Variants in CATSPERE observed in about 807,000 individuals in gnomAD.
CATSPERE encodes the protein catsper channel auxiliary subunit epsilon, also known as cation channel sperm-associated auxiliary subunit epsilon.
A neutral mutation model predicts 114.1 loss-of-function variants in CATSPERE; 93 were observed. The ratio of observed to expected loss-of-function variants is 0.81; its 90% CI spans 0.69 to 0.97. The LOEUF is 0.97. Ranked by LOEUF, CATSPERE falls within the 50% of genes least tolerant of loss-of-function variation. The pLI is 0.00. For synonymous variants in CATSPERE, 341 were observed against 384.1 expected (o/e 0.89, Z 1.31); for missense variants, 1,058 against 1,131.6 (o/e 0.93, Z 0.93).
chr1:244,512,586 A>T (rs1176082042), intron 7 of CATSPERE, among the ~76,000 whole-genome samples: 1 of 150,392 alleles, frequency 6.6e-6, no homozygotes, highest in Non-Finnish European at 1.5e-5. Flanking sequence ...TTTTGTTGGG[A>T]TCTGTTACAG....
At chr1:244,618,427 C>T (rs7545398) in intron 20 of CATSPERE, among the ~76,000 whole-genome samples, 91,031 of 151,706 alleles carry the variant, frequency 0.6, 27,824 homozygotes, top group Middle Eastern at 0.74. Flanking sequence ...ACTAGGAAAA[C>T]GGTGTGATGA....
chr1:244,625,406 T>TTATATATATATATATA (rs35736130), intron 20 of CATSPERE, among the ~76,000 whole-genome samples: 1 of 12,878 alleles, frequency 7.8e-5, no homozygotes, highest in African/African-American at 3.0e-4. Flanking sequence ...TTATTATTAT[T>TTATATATATATATATA]TATATATATA....
At chr1:244,461,620 C>T (rs1160072079) in intron 1 of CATSPERE, 126 bp downstream of exon 1, 3 of 679,786 alleles carry the variant, frequency 4.4e-6, no homozygotes, top group Admixed American at 4.3e-5. Context: ...ACTGCCTCGT[C>T]TCCTGGCTCC....
intron 21 of CATSPERE, 143 bp downstream of exon 21, chr1:244,635,685 T>C (rs552185830): frequency 1.6e-6 from 1 of 608,856 alleles, no homozygotes; most frequent in Non-Finnish European, 3.0e-6. Flanking sequence ...TAAATCTTAT[T>C]ATGAAAATTA....
intron 7 of CATSPERE, among the ~76,000 whole-genome samples, chr1:244,506,908 A>C (rs1369659331): frequency 6.6e-6 from 1 of 151,420 alleles, no homozygotes; most frequent in Non-Finnish European, 1.5e-5. Context: ...CTTCACCACC[A>C]CCCCCACCAG....
intron 5 of CATSPERE, 142 bp from the exon 6 acceptor site, chr1:244,490,305 A>C (rs139481393): frequency 1.4e-4 from 74 of 537,604 alleles, no homozygotes; most frequent in Middle Eastern, 7.0e-4. Flanking sequence ...TTGTTTTTAC[A>C]TTTAGCCTTT....
rs1234328450 is a variant in CATSPERE at position 244,625,428 on chromosome 1, A to ATTTTTTTTTTTTTT, written c.2648+7743_2648+7744insTTTTTTTTTTTTTT. On this transcript the variant is annotated intron_variant, in intron 20 of 21. Transcript: ENST00000366534. ...TATTTATATATATATATATATATAT[A>ATTTTTTTTTTTTTT]TATATTTTTTTTTTTTTTTGAGATG... Among the ~76,000 whole-genome samples, 30 of 3,744 alleles carry ATTTTTTTTTTTTTT rather than the reference A, an allele frequency of 8.0e-3. 1 individual carries two copies. Among genetic ancestry groups the ATTTTTTTTTTTTTT allele is most frequent in the East Asian group, 0.017 (1 of 60 alleles). 2.5% of individuals were successfully genotyped at this position (3,744 alleles called of 152,430 possible). A position where few individuals can be genotyped will look rare whatever the true frequency, so the allele number is the denominator to read the frequency against.
intron 17 of CATSPERE, chr1:244,598,357 A>G (rs906236216): frequency 6.5e-6 from 1 of 154,220 alleles, no homozygotes; most frequent in Admixed American, 6.5e-5. Flanking sequence ...TATTAGATCA[A>G]TGACACTACA....
At chr1:244,570,860 A>C (rs1244144745) in intron 10 of CATSPERE, among the ~76,000 whole-genome samples, 2 of 152,198 alleles carry the variant, frequency 1.3e-5, no homozygotes, top group Non-Finnish European at 2.9e-5. Flanking sequence ...CAAGCTGAGA[A>C]TACAGCATGT....
chr1:244,516,519 G>A (rs1349817705), intron 7 of CATSPERE, among the ~76,000 whole-genome samples: 1 of 149,662 alleles, frequency 6.7e-6, no homozygotes, highest in Non-Finnish European at 1.5e-5. Context: ...TGCTAAAAGG[G>A]TTTTGTTTTT....
chr1:244,464,062 T>C lies in CATSPERE; in HGVS notation c.114+106T>C, dbSNP rs1667218474. 3 of 823,574 alleles carry C rather than the reference T, an allele frequency of 3.6e-6. No individual in the cohort carries two copies. In the South Asian group the frequency reaches 4.7e-5, roughly 13 times the overall value. The allele number at this position is 823,574 out of a possible 1,614,324, so 51.0% of individuals were successfully genotyped here. A position where few individuals can be genotyped will look rare whatever the true frequency, so the allele number is the denominator to read the frequency against. ...TGAGTTTTACAGTCATTGTCACTCT[T>C]CTGTTTCGTTTCTTTCATCCGGTGT... is the stretch of plus-strand genomic sequence containing the variant. On this transcript the variant is annotated intron_variant, in intron 2 of 21. Coordinates refer to ENST00000366534, the MANE Select transcript of CATSPERE (RefSeq NM_001130957.2).
In CATSPERE at chr1:244,601,739, G is replaced by A. The variant is rs541364917; in HGVS notation, c.2304-3956G>A. 4.6e-5 allele frequency among the ~76,000 whole-genome samples: 7 copies of A among 152,216 alleles called. 1 individual carries two copies. The South Asian group carries it at 1.5e-3, about 32-fold the overall frequency. ...AGGCCAAGGTGGGCGGATCACTTGA[G>A]GTCAGGAGTTCGAAACCAGCCTGGC... is the stretch of plus-strand genomic sequence containing the variant. On this transcript the variant is annotated intron_variant, in intron 17 of 21. Coordinates refer to ENST00000366534, the MANE Select transcript of CATSPERE (RefSeq NM_001130957.2).
intron 2 of CATSPERE, among the ~76,000 whole-genome samples, chr1:244,472,739 A>G (rs946367066): frequency 1.3e-5 from 2 of 152,186 alleles, no homozygotes; most frequent in Admixed American, 1.3e-4. Context: ...TATCACACCG[A>G]ATAGTTTCAC....
chr1:244,477,760 A>G, intron 3 of CATSPERE, 146 bp downstream of exon 3: 4 of 920,424 alleles, frequency 4.3e-6, no homozygotes, highest in East Asian at 5.0e-5. Context: ...CAGGTCGAAT[A>G]TAGTATAGAA....
intron 1 of CATSPERE, among the ~76,000 whole-genome samples, chr1:244,462,976 G>A (rs543583319): frequency 2.0e-5 from 3 of 152,264 alleles, no homozygotes; most frequent in East Asian, 3.9e-4. Flanking sequence ...GTAGGGTGGT[G>A]ATTTATGATA....
intron 1 of CATSPERE, among the ~76,000 whole-genome samples, chr1:244,461,962 C>T (rs967137452): frequency 3.9e-5 from 6 of 151,968 alleles, no homozygotes; most frequent in Admixed American, 2.0e-4. Flanking sequence ...AACAGGCACG[C>T]GCCACCACGC....
At chr1:244,501,953 T>A (rs760610725) in intron 7 of CATSPERE, among the ~76,000 whole-genome samples, 81 of 152,320 alleles carry the variant, frequency 5.3e-4, no homozygotes, top group Non-Finnish European at 1.0e-3. Context: ...TATGCATCTG[T>A]GTCTTGGCTG....
At chr1:244,613,969 A>G (rs570518163) in intron 19 of CATSPERE, among the ~76,000 whole-genome samples, 1 of 152,270 alleles carries the variant, frequency 6.6e-6, no homozygotes, top group Admixed American at 6.5e-5. Context: ...TTATCACAAT[A>G]GGAAGAGAGA....
chr1:244,464,752 G>C (rs1010750545), intron 2 of CATSPERE, among the ~76,000 whole-genome samples: 1 of 151,936 alleles, frequency 6.6e-6, no homozygotes, highest in African/African-American at 2.4e-5. Context: ...TTGATGACTA[G>C]TGATTTTGAG....
Sources: allele counts gnomAD v4.1 joint callset (sites outside exome capture counted in the v4.1 genomes callset), GRCh38; gene constraint gnomAD v4.1.1; transcripts MANE v1.5; gene names NCBI Gene and HGNC (gene_info 2026-07-23, HGNC 2026-07-21).